CDH12: variants seen among roughly 807,000 people sequenced by gnomAD.
The protein encoded by CDH12 is cadherin 12.
In CDH12, 41 loss-of-function variants were observed where a neutral mutation model predicts 74.1. That is an observed-to-expected ratio of 0.55 (90% CI 0.43 to 0.72). The LOEUF is 0.72. CDH12 is among the 30% of genes least tolerant of loss of function. The pLI is 0.00. For synonymous variants in CDH12, 399 were observed against 355.0 expected (o/e 1.12, Z -1.39); for missense variants, 945 against 977.2 (o/e 0.97, Z 0.44).
chr5:22,510,552 T>C (rs1736559286), intron 1 of CDH12, among the ~76,000 whole-genome samples: 1 of 152,170 alleles, frequency 6.6e-6, no homozygotes, highest in African/African-American at 2.4e-5. Context: ...CCACAAGGGA[T>C]TGGTTCCAGG....
chr5:21,754,041 TTAAA>T (rs2149861059), intron 14 of CDH12, among the ~76,000 whole-genome samples: 1 of 152,302 alleles, frequency 6.6e-6, no homozygotes, highest in Non-Finnish European at 1.5e-5. Flanking sequence ...CATAATTGTT[TTAAA>T]TAATTATCCT....
intron 6 of CDH12, among the ~76,000 whole-genome samples, chr5:21,916,344 G>T (rs571236848): frequency 6.6e-6 from 1 of 152,072 alleles, no homozygotes; most frequent in African/African-American, 2.4e-5. Context: ...GACTCAGAAA[G>T]GTCAAAATTA....
intron 1 of CDH12, among the ~76,000 whole-genome samples, chr5:22,698,682 T>C (rs1385256232): frequency 3.2e-4 from 2 of 6,284 alleles, no homozygotes; most frequent in African/African-American, 4.9e-4. Context: ...CCCAGATATA[T>C]ATATATATAT....
chr5:22,701,853 T>C (rs1405911030), intron 1 of CDH12, among the ~76,000 whole-genome samples: 2 of 152,226 alleles, frequency 1.3e-5, no homozygotes, highest in South Asian at 4.1e-4. Context: ...CAGGAAAATG[T>C]TGTGCTTTTG....
At chr5:22,639,865 T>C (rs570461192) in intron 1 of CDH12, among the ~76,000 whole-genome samples, 1 of 152,144 alleles carries the variant, frequency 6.6e-6, no homozygotes, top group Non-Finnish European at 1.5e-5. Flanking sequence ...CACATACTGT[T>C]TCAGGCCCGA....
At chr5:21,815,657 T>C (rs2149943421) in intron 9 of CDH12, among the ~76,000 whole-genome samples, 1 of 152,300 alleles carries the variant, frequency 6.6e-6, no homozygotes, top group South Asian at 2.1e-4. Context: ...GGTAATTCTT[T>C]TTCACTTTCT....
At chr5:22,250,609 T>C (rs1753103818) in intron 3 of CDH12, among the ~76,000 whole-genome samples, 1 of 152,190 alleles carries the variant, frequency 6.6e-6, no homozygotes, top group Admixed American at 6.6e-5. Flanking sequence ...GCCAACAATA[T>C]GTTGTAAATA....
intron 1 of CDH12, among the ~76,000 whole-genome samples, chr5:22,704,206 C>T (rs1207611943): frequency 6.6e-6 from 1 of 152,014 alleles, no homozygotes; most frequent in Non-Finnish European, 1.5e-5. Context: ...CTATCTTATC[C>T]TATATATACA....
intron 2 of CDH12, among the ~76,000 whole-genome samples, chr5:22,434,036 G>T (rs1043112221): frequency 1.3e-5 from 2 of 152,166 alleles, no homozygotes; most frequent in African/African-American, 4.8e-5. Context: ...AGTATATCCA[G>T]CCCCCACACA....
chr5:21,826,743 C>T (rs112437280), intron 8 of CDH12, among the ~76,000 whole-genome samples: 1 of 152,238 alleles, frequency 6.6e-6, no homozygotes, highest in Non-Finnish European at 1.5e-5. Context: ...GGAATAGACA[C>T]TTAGTAACAG....
At chr5:22,389,822 G>A (rs981060910) in intron 3 of CDH12, among the ~76,000 whole-genome samples, 2 of 151,682 alleles carry the variant, frequency 1.3e-5, no homozygotes, top group African/African-American at 2.4e-5. Flanking sequence ...TAATTTTTCT[G>A]TATTTTTAGT....
intron 2 of CDH12, among the ~76,000 whole-genome samples, chr5:22,474,327 G>A (rs1024153797): frequency 2.6e-4 from 39 of 152,126 alleles, no homozygotes; most frequent in Non-Finnish European, 5.3e-4. Context: ...TGGACTGATG[G>A]AGGAAGACAC....
chr5:21,978,933 G>T (rs1757186259), intron 5 of CDH12, among the ~76,000 whole-genome samples: 1 of 150,810 alleles, frequency 6.6e-6, no homozygotes, highest in South Asian at 2.1e-4. Context: ...TCAGCAATGG[G>T]ATTCAGGCTT....
intron 6 of CDH12, chr5:21,882,955 C>T (rs1752436729): frequency 1.9e-6 from 3 of 1,600,122 alleles, no homozygotes; most frequent in East Asian, 2.2e-5. Flanking sequence ...CTGGCAGGCT[C>T]TATAGCCAAG....
In CDH12 at chr5:22,152,232, T is replaced by A. The variant is rs186555703; in HGVS notation, c.-187+60266A>T. 249 of 151,902 alleles carry A rather than the reference T, an allele frequency of 1.6e-3. 3 individuals are homozygous for A. The highest frequency in any genetic ancestry group is 5.8e-3 in the African/African-American group (240 of 41,474). 9.4% of individuals were successfully genotyped at this position (151,902 alleles called of 1,614,324 possible). On this transcript the variant is annotated intron_variant, in intron 4 of 14. Coordinates refer to ENST00000382254, the MANE Select transcript of CDH12 (RefSeq NM_004061.5). ...CCCTACCCTCCTTGGTTTACCTCCA[T>A]CATTAAAAAACAACAATGACAACGA...
At chr5:22,596,107 CA>C (rs1232402874) in intron 1 of CDH12, among the ~76,000 whole-genome samples, 5 of 139,450 alleles carry the variant, frequency 3.6e-5, no homozygotes, top group South Asian at 4.6e-4. Flanking sequence ...GACTCCGTCT[CA>C]AAAAAAATAA....
rs551051771 is a variant in CDH12 at position 22,452,985 on chromosome 5, G to T, written c.-427-47634C>A. On this transcript the variant is annotated intron_variant, in intron 2 of 14. Transcript: ENST00000382254. ...ATAGCCAAAAGGTATGTGAAAATAT[G>T]TTCAACATCATTATTAATCACAGAA... is the stretch of plus-strand genomic sequence containing the variant. Among the ~76,000 whole-genome samples, 12 of 148,118 alleles carry T rather than the reference G, an allele frequency of 8.1e-5. No homozygotes were observed. In the East Asian group the frequency reaches 2.4e-3, roughly 30 times the overall value.
Position 22,198,879 on chromosome 5 carries a change from T to TTTTA in CDH12, c.-187+13615_-187+13618dup, listed in dbSNP as rs57356477. Among the ~76,000 whole-genome samples, 422 of 150,412 alleles carry TTTTA rather than the reference T, an allele frequency of 2.8e-3. 4 individuals are homozygous for TTTTA. The highest frequency in any genetic ancestry group is 0.01 in the South Asian group (48 of 4,776). ...GTTTAACAAACCCGACATTTTTTAT[T>TTTTA]TTTATTTATTTATTTATTTATTTAG... is the stretch of plus-strand genomic sequence containing the variant. On this transcript the variant is annotated intron_variant, in intron 4 of 14. Coordinates refer to ENST00000382254, the MANE Select transcript of CDH12 (RefSeq NM_004061.5).
intron 1 of CDH12, among the ~76,000 whole-genome samples, chr5:22,720,373 T>C (rs1743817611): frequency 6.6e-6 from 1 of 152,184 alleles, no homozygotes; most frequent in African/African-American, 2.4e-5. Flanking sequence ...GATTGTAAGT[T>C]TCCTGATGCC....
Sources: allele counts gnomAD v4.1 joint callset (sites outside exome capture counted in the v4.1 genomes callset), GRCh38; gene constraint gnomAD v4.1.1; transcripts MANE v1.5; gene names NCBI Gene and HGNC (gene_info 2026-07-23, HGNC 2026-07-21).